The following FAT3 variants were observed in gnomAD, a reference collection of about 807,000 sequenced individuals.
FAT3 encodes the protein protocadherin Fat 3.
FAT3 carries 95 observed loss-of-function variants against 310.2 expected under a neutral mutation model. That is an observed-to-expected ratio of 0.31 (90% CI 0.26 to 0.36). The LOEUF is 0.36. Ranked by LOEUF, FAT3 falls within the 10% of genes least tolerant of loss-of-function variation. The pLI is 1.00. For synonymous variants in FAT3, 2,314 were observed against 2,192.9 expected (o/e 1.06, Z -1.54); for missense variants, 5,408 against 5,715.6 (o/e 0.95, Z 1.74).
At chr11:92,430,144 A>T (rs1950732831) in intron 2 of FAT3, among the ~76,000 whole-genome samples, 1 of 152,142 alleles carries the variant, frequency 6.6e-6, no homozygotes. Context: ...AATCTCTGAT[A>T]TTCTTTCTTC....
chr11:92,868,232 GA>G (rs1201622409), intron 22 of FAT3, among the ~76,000 whole-genome samples: 1 of 152,164 alleles, frequency 6.6e-6, no homozygotes, highest in Non-Finnish European at 1.5e-5. Flanking sequence ...TCCAAATTTA[GA>G]GTCCATTTTA....
intron 4 of FAT3, chr11:92,749,140 G>A (rs1425691684): frequency 6.6e-6 from 1 of 152,164 alleles, no homozygotes; most frequent in Non-Finnish European, 1.5e-5. Flanking sequence ...TAAGGTTTGT[G>A]AAACATTTTG....
At chr11:92,835,179 C>T in intron 15 of FAT3, 95 bp downstream of exon 15, 2 of 1,006,058 alleles carry the variant, frequency 2.0e-6, no homozygotes, top group Non-Finnish European at 2.9e-6. Flanking sequence ...GGGTTTTCTT[C>T]ACACTTCCCC....
chr11:92,761,310 A>G (rs1470000948), intron 4 of FAT3, among the ~76,000 whole-genome samples: 1 of 152,204 alleles, frequency 6.6e-6, no homozygotes, highest in East Asian at 1.9e-4. Context: ...TTCGAAGGGC[A>G]CTAATCCCAT....
intron 3 of FAT3, among the ~76,000 whole-genome samples, chr11:92,627,969 G>T (rs576675523): frequency 4.6e-5 from 7 of 152,208 alleles, no homozygotes; most frequent in Non-Finnish European, 8.8e-5. Context: ...CTGAGTCAGA[G>T]CTTGACACCT....
chr11:92,627,464 T>C (rs1319754711), intron 3 of FAT3, among the ~76,000 whole-genome samples: 4 of 152,202 alleles, frequency 2.6e-5, no homozygotes, highest in Non-Finnish European at 5.9e-5. Context: ...TCCTGGGATT[T>C]AAACTTTTAT....
At chr11:92,442,111 A>ATATATATATATATATATTTTTTTTT (rs1453396603) in intron 2 of FAT3, among the ~76,000 whole-genome samples, 1 of 45,222 alleles carries the variant, frequency 2.2e-5, no homozygotes, top group African/African-American at 1.8e-4. Flanking sequence ...ATATATATAT[A>ATATATATATATATATATTTTTTTTT]TTTTTTTTTT....
At chr11:92,481,540 T>C (rs1952228058) in intron 2 of FAT3, among the ~76,000 whole-genome samples, 1 of 152,236 alleles carries the variant, frequency 6.6e-6, no homozygotes, top group Non-Finnish European at 1.5e-5. Context: ...GGATTTATTC[T>C]CTTGGTATTA....
In FAT3 at chr11:92,891,180, G is replaced by C. The variant is rs2136451744; in HGVS notation, c.*67G>C. 6.4e-7 allele frequency: 1 copy of C among 1,563,300 alleles called. No individual in the cohort carries two copies. The highest frequency in any genetic ancestry group is 8.7e-7 in the Non-Finnish European group (1 of 1,153,312). ...GTGGAAGCAGATTGGCTGGGCTTCT[G>C]TCCCAGTGGAGCATTGTCTGTGGAA... On this transcript the variant is annotated 3_prime_UTR_variant, in exon 28 of 28. Transcript: ENST00000525166.
intron 1 of FAT3, among the ~76,000 whole-genome samples, chr11:92,296,906 CAT>C (rs1352592953): frequency 6.6e-6 from 1 of 152,098 alleles, no homozygotes; most frequent in East Asian, 1.9e-4. Flanking sequence ...ATTTAAACAA[CAT>C]AGTGATCCAG....
chr11:92,698,880 G>A (rs1253256934), intron 4 of FAT3, among the ~76,000 whole-genome samples: 1 of 152,136 alleles, frequency 6.6e-6, no homozygotes, highest in Non-Finnish European at 1.5e-5. Flanking sequence ...TTACTTCCCA[G>A]AAGGAAGCAG....
At chr11:92,339,119 TC>T (rs1396418356) in intron 1 of FAT3, among the ~76,000 whole-genome samples, 2 of 152,326 alleles carry the variant, frequency 1.3e-5, no homozygotes, top group East Asian at 3.9e-4. Flanking sequence ...TTGAATTAGT[TC>T]CGCTAATCTA....
chr11:92,317,891 G>A (rs1268445299), intron 1 of FAT3, among the ~76,000 whole-genome samples: 1 of 151,930 alleles, frequency 6.6e-6, no homozygotes, highest in Admixed American at 6.6e-5. Context: ...TTTTTTGTTT[G>A]CATTTATTCA....
chr11:92,677,083 A>G (rs2135844563), intron 3 of FAT3, among the ~76,000 whole-genome samples: 1 of 152,360 alleles, frequency 6.6e-6, no homozygotes, highest in Non-Finnish European at 1.5e-5. Context: ...GTTACAGGCG[A>G]GATACTGGGT....
At chr11:92,372,864 G>A (rs2134724162) in intron 2 of FAT3, among the ~76,000 whole-genome samples, 1 of 152,198 alleles carries the variant, frequency 6.6e-6, no homozygotes, top group Non-Finnish European at 1.5e-5. Context: ...ATTTCATCGT[G>A]TTAGCCAGGA....
intron 2 of FAT3, among the ~76,000 whole-genome samples, chr11:92,465,714 G>C (rs956887682): frequency 1.3e-5 from 2 of 152,142 alleles, no homozygotes; most frequent in Non-Finnish European, 2.9e-5. Flanking sequence ...GGCCTGTCAT[G>C]GGGTGGGGGG....
chr11:92,589,024 G>A (rs1333766358), intron 3 of FAT3, among the ~76,000 whole-genome samples: 1 of 152,034 alleles, frequency 6.6e-6, no homozygotes, highest in Non-Finnish European at 1.5e-5. Context: ...TGATTGGGTG[G>A]CACTATTCTG....
chr11:92,556,092 T>C (rs1329344490), intron 3 of FAT3, among the ~76,000 whole-genome samples: 1 of 152,188 alleles, frequency 6.6e-6, no homozygotes, highest in Non-Finnish European at 1.5e-5. Flanking sequence ...TCAACAAATG[T>C]TGGCTATGAT....
intron 4 of FAT3, among the ~76,000 whole-genome samples, chr11:92,749,736 C>T (rs577227906): frequency 1.1e-4 from 17 of 152,296 alleles, no homozygotes; most frequent in African/African-American, 3.8e-4. Context: ...TGGTGATTTA[C>T]AGGGTCTTGT....
Sources: allele counts gnomAD v4.1 joint callset (sites outside exome capture counted in the v4.1 genomes callset), GRCh38; gene constraint gnomAD v4.1.1; transcripts MANE v1.5; gene names NCBI Gene and HGNC (gene_info 2026-07-23, HGNC 2026-07-21).